LMNTD1: variants seen among roughly 807,000 people sequenced by gnomAD.
The protein encoded by LMNTD1 is lamin tail domain-containing protein 1.
Under a neutral mutation model 50.9 loss-of-function variants are expected in LMNTD1, and 35 were observed. The observed-to-expected ratio is 0.69, with a 90% CI of 0.53 to 0.91. The LOEUF (loss-of-function observed/expected upper bound fraction) is 0.91. LMNTD1 is among the 40% of genes least tolerant of loss of function. The pLI is 0.00. For synonymous variants in LMNTD1, 153 were observed against 161.9 expected (o/e 0.94, Z 0.42); for missense variants, 470 against 475.5 (o/e 0.99, Z 0.11).
At chr12:25,623,911 G>T (rs1206045036) in intron 1 of LMNTD1, among the ~76,000 whole-genome samples, 1 of 152,146 alleles carries the variant, frequency 6.6e-6, no homozygotes, top group African/African-American at 2.4e-5. Context: ...GCTCTTTGCT[G>T]CCTGTACTCA....
intron 1 of LMNTD1, among the ~76,000 whole-genome samples, chr12:25,623,323 G>A (rs893620532): frequency 1.3e-5 from 2 of 151,984 alleles, no homozygotes; most frequent in African/African-American, 4.8e-5. Flanking sequence ...GCCAAAGTGA[G>A]TGGATCACTT....
upstream of LMNTD1, among the ~76,000 whole-genome samples, chr12:25,554,028 C>T (rs1943923280): frequency 2.6e-5 from 4 of 151,840 alleles, no homozygotes; most frequent in South Asian, 8.3e-4. Flanking sequence ...TCTTAAAAAG[C>T]CAAAAAGAAA....
chr12:25,644,313 CA>C (rs59091210), intron 1 of LMNTD1, among the ~76,000 whole-genome samples: 1,752 of 82,010 alleles, frequency 0.021, 33 homozygotes, highest in African/African-American at 0.072. Flanking sequence ...CCTTTCTCTA[CA>C]AAAAAAAAAA....
intron 1 of LMNTD1, among the ~76,000 whole-genome samples, chr12:25,599,188 T>C (rs1945909562): frequency 6.6e-6 from 1 of 151,936 alleles, no homozygotes; most frequent in African/African-American, 2.4e-5. Context: ...TGATACATCA[T>C]ATCAACAGAA....
chr12:25,527,119 G>C (rs1245328251), intron 4 of LMNTD1, among the ~76,000 whole-genome samples, 164 bp from the exon 5 acceptor site: 2 of 152,034 alleles, frequency 1.3e-5, no homozygotes, highest in Non-Finnish European at 2.9e-5. Flanking sequence ...CAGACAAATG[G>C]CTTGAGTTTT....
In LMNTD1 at chr12:25,520,067, C is replaced by T. The variant is rs76419032; in HGVS notation, c.807G>A (p.Ala269=). Residue 269 remains alanine (A), a synonymous_variant, in exon 7 of 10, where the codon GCG becomes GCA. Transcript: ENST00000458174. ...GCTTCCAGTGGATAGGGGTGTACCA[C>T]GCAATGGCCTAATGAAAATGATTTA... ...ILCKPNGQAI[A]WYTPIHWKQA... 45 of 1,607,512 alleles carry T rather than the reference C, an allele frequency of 2.8e-5. No individual in the cohort carries two copies. The East Asian group carries it at 4.5e-4, about 16-fold the overall frequency.
At chr12:25,590,418 C>G (rs1358755159) in intron 1 of LMNTD1, among the ~76,000 whole-genome samples, 1 of 152,202 alleles carries the variant, frequency 6.6e-6, no homozygotes, top group Non-Finnish European at 1.5e-5. Flanking sequence ...CAAAGCCTTG[C>G]CACTGCAGGC....
intron 1 of LMNTD1, among the ~76,000 whole-genome samples, chr12:25,611,286 C>T (rs951163259): frequency 9.9e-5 from 15 of 152,004 alleles, no homozygotes; most frequent in Non-Finnish European, 1.5e-4. Flanking sequence ...AAGGAGACCA[C>T]GAAGATAAAT....
chr12:25,615,239 C>T (rs889052021), intron 1 of LMNTD1, among the ~76,000 whole-genome samples: 2 of 152,062 alleles, frequency 1.3e-5, no homozygotes, highest in African/African-American at 4.8e-5. Context: ...CACATGCTGA[C>T]CATGAGTCAG....
At chr12:25,492,149 A>G (rs73296481) in intron 9 of LMNTD1, among the ~76,000 whole-genome samples, 39,722 of 152,188 alleles carry the variant, frequency 0.26, 5,369 homozygotes, top group Middle Eastern at 0.34. Flanking sequence ...GTTTAGAAGA[A>G]CATATCAGTC....
intron 1 of LMNTD1, among the ~76,000 whole-genome samples, chr12:25,597,888 C>T (rs919456235): frequency 6.6e-6 from 1 of 152,038 alleles, no homozygotes; most frequent in Non-Finnish European, 1.5e-5. Flanking sequence ...GGCTGTGTGT[C>T]CCCACCCAAG....
chr12:25,611,865 T>G (rs1436947379), intron 1 of LMNTD1, among the ~76,000 whole-genome samples: 1 of 152,212 alleles, frequency 6.6e-6, no homozygotes, highest in African/African-American at 2.4e-5. Context: ...AAATGGTTCT[T>G]TATACACTTG....
intron 1 of LMNTD1, among the ~76,000 whole-genome samples, chr12:25,571,837 T>A (rs986255915): frequency 5.3e-5 from 8 of 152,038 alleles, no homozygotes; most frequent in Non-Finnish European, 1.2e-4. Flanking sequence ...GCCCAGCTAA[T>A]TTTTTGTATT....
intron 1 of LMNTD1, among the ~76,000 whole-genome samples, chr12:25,586,674 G>C (rs1945534411): frequency 6.6e-6 from 1 of 152,154 alleles, no homozygotes. Flanking sequence ...TGCATGGACT[G>C]TGGATGCCCT....
upstream of LMNTD1, among the ~76,000 whole-genome samples, chr12:25,553,580 T>C (rs115026567): frequency 1.4e-3 from 215 of 152,240 alleles, no homozygotes; most frequent in African/African-American, 5.0e-3. Context: ...GACAAATACT[T>C]TGAGCACATG....
chr12:25,594,335 G>A (rs1295005381), intron 1 of LMNTD1, among the ~76,000 whole-genome samples: 1 of 152,060 alleles, frequency 6.6e-6, no homozygotes, highest in Non-Finnish European at 1.5e-5. Flanking sequence ...ATCCTATAAA[G>A]GACAACCCAT....
intron 8 of LMNTD1, among the ~76,000 whole-genome samples, chr12:25,510,365 A>G (rs1940174322): frequency 6.6e-6 from 1 of 151,732 alleles, no homozygotes; most frequent in South Asian, 2.1e-4. Flanking sequence ...CCATTATCTT[A>G]TGACTTCCAT....
At chr12:25,549,903 T>C (rs941305582) in intron 2 of LMNTD1, among the ~76,000 whole-genome samples, 1 of 152,184 alleles carries the variant, frequency 6.6e-6, no homozygotes, top group Non-Finnish European at 1.5e-5. Flanking sequence ...GTGGAGACTT[T>C]ATAAGCCATT....
At chr12:25,626,734 C>A (rs1440346663) in intron 1 of LMNTD1, among the ~76,000 whole-genome samples, 1 of 152,120 alleles carries the variant, frequency 6.6e-6, no homozygotes, top group East Asian at 1.9e-4. Flanking sequence ...ATATTTATTT[C>A]TGGGCTGGGG....
Sources: allele counts gnomAD v4.1 joint callset (sites outside exome capture counted in the v4.1 genomes callset), GRCh38; gene constraint gnomAD v4.1.1; transcripts MANE v1.5; gene names NCBI Gene and HGNC (gene_info 2026-07-23, HGNC 2026-07-21).